SLC9C1: variants seen among roughly 807,000 people sequenced by gnomAD.
SLC9C1 encodes solute carrier family 9 member C1.
In SLC9C1, 97 loss-of-function variants were observed where a neutral mutation model predicts 140.9. The ratio of observed to expected loss-of-function variants is 0.69; its 90% CI spans 0.58 to 0.82. The LOEUF (loss-of-function observed/expected upper bound fraction) is 0.82. Among genes scored for constraint, SLC9C1 ranks in the 40% least tolerant of loss-of-function variants. The probability of loss-of-function intolerance (pLI) is 0.00; values close to 1 mark genes in which losing one functional copy is unlikely to be tolerated. For synonymous variants in SLC9C1, 440 were observed against 442.6 expected (o/e 0.99, Z 0.07); for missense variants, 1,340 against 1,389.3 (o/e 0.96, Z 0.56).
intron 2 of SLC9C1, 56 bp from the exon 3 acceptor site, chr3:112,280,839 T>A: frequency 6.9e-7 from 1 of 1,440,794 alleles, no homozygotes; most frequent in South Asian, 1.2e-5. Flanking sequence ...TATAGAACTT[T>A]AATGTGACAT....
rs761553585 is a variant in SLC9C1 at position 112,262,942 on chromosome 3, A to G, written c.1179T>C (p.Ser393=). The change falls in exon 10 of 29, where the codon TCT becomes TCC. Residue 393 remains serine (S), a synonymous_variant. Coordinates refer to ENST00000305815, the MANE Select transcript of SLC9C1 (RefSeq NM_183061.3). The part of the protein sequence containing the change: ...LLAYSDLYFG[S]DKEKSQILFH... Reference sequence around the variant, plus strand: ...TCTTTACTTGAGATTTTTCTTTGTCAGATCCAAAATAAAGATCAGAGTAGG... The same window carrying G: ...TCTTTACTTGAGATTTTTCTTTGTCGGATCCAAAATAAAGATCAGAGTAGG... 7 of 1,574,832 alleles carry G rather than the reference A, an allele frequency of 4.4e-6. No individual in the cohort carries two copies. In the East Asian group the frequency reaches 1.6e-4, roughly 36 times the overall value.
At chr3:112,204,063 T>C (rs1035962568) in intron 17 of SLC9C1, among the ~76,000 whole-genome samples, 155 bp downstream of exon 17, 2 of 152,024 alleles carry the variant, frequency 1.3e-5, no homozygotes, top group Admixed American at 6.6e-5. Flanking sequence ...TATGAAATGT[T>C]ATGAAACTTA....
chr3:112,247,302 A>G (rs2079314414), intron 10 of SLC9C1, among the ~76,000 whole-genome samples: 2 of 152,192 alleles, frequency 1.3e-5, no homozygotes, highest in Admixed American at 1.3e-4. Flanking sequence ...TAGGGTGGAA[A>G]GCCCTCTTAG....
chr3:112,209,775 A>C (rs141081569), intron 15 of SLC9C1, among the ~76,000 whole-genome samples: 1 of 152,322 alleles, frequency 6.6e-6, no homozygotes, highest in African/African-American at 2.4e-5. Flanking sequence ...AGTTAGGATT[A>C]ATGTTAACCT....
At chr3:112,179,748 G>A in intron 22 of SLC9C1, 47 bp from the exon 23 acceptor site, 1 of 1,481,850 alleles carries the variant, frequency 6.7e-7, no homozygotes, top group Non-Finnish European at 9.0e-7. Flanking sequence ...CAGTTAACTT[G>A]TATTACCAAA....
chr3:112,179,603 T>G lies in SLC9C1; in HGVS notation c.2847A>C (p.Glu949Asp), dbSNP rs1418510775. 1 of 1,612,166 alleles carries G rather than the reference T, an allele frequency of 6.2e-7. No homozygotes were observed. Among genetic ancestry groups the G allele is most frequent in the Non-Finnish European group, 8.5e-7 (1 of 1,179,360 alleles). ...TTAAGCAGTTTATCTCTCCTATTAT[T>G]TCTCCACTGAGCATATAGTCTGTGT... ...IIDTDYMLSG[E>D]IIGEINCLTN... Residue 949 changes from glutamate to aspartate, a missense_variant, in exon 23 of 29, where the codon GAA becomes GAC. By Grantham distance (45) the Glu-to-Asp change is conservative (BLOSUM62 2). Coordinates refer to ENST00000305815, the MANE Select transcript of SLC9C1 (RefSeq NM_183061.3).
intron 4 of SLC9C1, 56 bp from the exon 5 acceptor site, chr3:112,277,916 G>A (rs2080259823): frequency 2.8e-6 from 4 of 1,414,868 alleles, no homozygotes; most frequent in Admixed American, 2.0e-5. Flanking sequence ...TCCATTTTAA[G>A]AAGAAAATAA....
At chr3:112,194,150 T>A (rs1028557713) in intron 20 of SLC9C1, among the ~76,000 whole-genome samples, 4 of 152,256 alleles carry the variant, frequency 2.6e-5, no homozygotes, top group African/African-American at 7.2e-5. Context: ...TGCAGCTTCA[T>A]GAATTCCCAG....
intron 15 of SLC9C1, among the ~76,000 whole-genome samples, chr3:112,210,775 T>A (rs1015032204): frequency 5.3e-5 from 8 of 152,172 alleles, no homozygotes; most frequent in Non-Finnish European, 8.8e-5. Context: ...ATTCTGTAGC[T>A]ATTTATGCCC....
intron 24 of SLC9C1, 37 bp downstream of exon 24, chr3:112,169,160 A>G: frequency 1.9e-6 from 3 of 1,599,572 alleles, no homozygotes; most frequent in Non-Finnish European, 2.6e-6. Flanking sequence ...CATTCCATTC[A>G]AAGAAAGAAA....
At chr3:112,257,964 A>C (rs1365242960) in intron 10 of SLC9C1, among the ~76,000 whole-genome samples, 2 of 152,242 alleles carry the variant, frequency 1.3e-5, no homozygotes, top group Non-Finnish European at 2.9e-5. Flanking sequence ...ATTGATCATT[A>C]GAGTAATGCA....
intron 10 of SLC9C1, among the ~76,000 whole-genome samples, chr3:112,255,369 AT>A (rs1442792955): frequency 1.3e-5 from 2 of 152,194 alleles, no homozygotes; most frequent in African/African-American, 4.8e-5. Context: ...ATAGAAAAAA[AT>A]CATACTGAAC....
chr3:112,199,973 G>A (rs1394765771), intron 19 of SLC9C1, among the ~76,000 whole-genome samples: 1 of 151,956 alleles, frequency 6.6e-6, no homozygotes, highest in African/African-American at 2.4e-5. Flanking sequence ...GATTCCTGAA[G>A]TCCATGAAAA....
intron 28 of SLC9C1, among the ~76,000 whole-genome samples, chr3:112,141,725 G>GT (rs1468238961): frequency 3.9e-5 from 6 of 152,100 alleles, no homozygotes; most frequent in Non-Finnish European, 8.8e-5. Context: ...ATGTTTAATA[G>GT]TTTCATAATC....
intron 11 of SLC9C1, among the ~76,000 whole-genome samples, chr3:112,240,514 C>T (rs2079112551): frequency 6.6e-6 from 1 of 152,202 alleles, no homozygotes; most frequent in Non-Finnish European, 1.5e-5. Context: ...GGGTGGGCCT[C>T]ATCCAATCTG....
At chr3:112,238,441 CCTT>C (rs1576419157) in intron 12 of SLC9C1, among the ~76,000 whole-genome samples, 3 of 152,310 alleles carry the variant, frequency 2.0e-5, no homozygotes, top group Admixed American at 1.3e-4. Flanking sequence ...TCATCTGAAG[CCTT>C]CTTCTCTCAA....
intron 20 of SLC9C1, among the ~76,000 whole-genome samples, chr3:112,195,581 A>G (rs190886811): frequency 1.3e-5 from 2 of 152,128 alleles, no homozygotes; most frequent in African/African-American, 2.4e-5. Flanking sequence ...AAATAGTGAA[A>G]CATTTAAGTT....
chr3:112,258,446 G>C (rs942403408), intron 10 of SLC9C1, among the ~76,000 whole-genome samples: 2 of 151,576 alleles, frequency 1.3e-5, no homozygotes, highest in African/African-American at 4.8e-5. Context: ...TTTTGTTTTT[G>C]TTTTTGAGAT....
chr3:112,152,163 G>C (rs1327137654), intron 27 of SLC9C1, among the ~76,000 whole-genome samples, 200 bp from the exon 28 acceptor site: 5 of 152,170 alleles, frequency 3.3e-5, no homozygotes, highest in Admixed American at 6.5e-5. Flanking sequence ...CACCGGCACT[G>C]GTCTCTGAGT....
Sources: gnomAD v4.1 joint callset for allele counts (sites outside exome capture counted in the v4.1 genomes callset) on GRCh38, gnomAD v4.1.1 for gene constraint, MANE v1.5 for transcripts, NCBI Gene and HGNC (gene_info 2026-07-23, HGNC 2026-07-21) for gene names.